Variants in BRWD3 observed in about 807,000 individuals in gnomAD.
The protein encoded by BRWD3 is bromodomain and WD repeat domain containing 3, also known as bromodomain and WD repeat-containing protein 3.
In BRWD3, 10 loss-of-function variants were observed where a neutral mutation model predicts 149.7. That is an observed-to-expected ratio of 0.07 (90% CI 0.04 to 0.11). The LOEUF (loss-of-function observed/expected upper bound fraction) is 0.11, where lower values mean the gene tolerates loss of function less well. Among genes scored for constraint, BRWD3 ranks in the 10% least tolerant of loss-of-function variants. The pLI, the probability that BRWD3 is intolerant of heterozygous loss-of-function variation, is 1.00. For missense variants in BRWD3, 940 were observed against 1,373.2 expected, an observed-to-expected ratio of 0.68 and a Z score of 4.99; for synonymous variants, 504 against 456.7, an observed-to-expected ratio of 1.10 and a Z score of -1.32.
chrX:80,739,859 T>C (rs1173820122), intron 8 of BRWD3, among the ~76,000 whole-genome samples: 1 of 112,122 alleles, frequency 8.9e-6, no homozygotes, highest in Non-Finnish European at 1.9e-5. Flanking sequence ...TCCCAAAGTA[T>C]GTCATTGCAC....
At chrX:80,781,912 G>C (rs1436964535) in intron 6 of BRWD3, among the ~76,000 whole-genome samples, 1 of 111,755 alleles carries the variant, frequency 8.9e-6, no homozygotes, top group Non-Finnish European at 1.9e-5. Context: ...AATCATTATT[G>C]TTAAAATGTC....
At position 80,734,213 on chromosome X, in the gene BRWD3, T is replaced by A; in HGVS notation, c.991A>T (p.Met331Leu). The A allele has an allele frequency of 8.7e-7, 1 of 1,155,883 alleles. No homozygotes were observed. Among genetic ancestry groups the A allele is most frequent in the Non-Finnish European group, 1.2e-6 (1 of 844,882 alleles). The change falls in exon 11 of 41, where the codon ATG (methionine) becomes TTG (leucine). Residue 331 changes from methionine to leucine, a missense_variant. By Grantham distance (15) the Met-to-Leu change is conservative. Around this residue, in one of 6 missense-constraint regions of BRWD3, gnomAD observed 209 missense variants for 396.8 expected, o/e 0.53. Coordinates refer to ENST00000373275, the MANE Select transcript of BRWD3 (RefSeq NM_153252.5). ...TCAGTACTACCAGTTGTAATGAACA[T>A]ACCACCTAGAAGATTAAAAAACAAA... ...ISCSSFSSGGMFITTGSTDHV... is the reference protein window; with the variant it reads ...ISCSSFSSGGLFITTGSTDHV...
chrX:80,801,245 A>C (rs1272255526), intron 4 of BRWD3, among the ~76,000 whole-genome samples: 4 of 60,950 alleles, frequency 6.6e-5, no homozygotes, highest in Admixed American at 5.7e-4. Context: ...TTTGAGATGG[A>C]GTCTCACTCT....
rs763415958 is a variant in BRWD3, at chrX:80,671,487, T to C, written c.*5122A>G. On this transcript the variant is annotated 3_prime_UTR_variant, in exon 41 of 41. Transcript: ENST00000373275. ...CTGAATAGGTAACTCCATATTTCTT[T>C]CTTCTGGTTAATTTTTCTCTGGTAC... The C allele has an allele frequency of 8.9e-6, 1 of 112,144 alleles. No individual in the cohort carries two copies. Among genetic ancestry groups the C allele is most frequent in the South Asian group, 3.7e-4 (1 of 2,715 alleles). 9.2% of individuals were successfully genotyped at this position (112,144 alleles called of 1,213,427 possible).
intron 22 of BRWD3, 33 bp downstream of exon 22, chrX:80,707,394 T>A (rs776155578): frequency 2.6e-6 from 3 of 1,134,372 alleles, no homozygotes; most frequent in Non-Finnish European, 3.6e-6. Context: ...AACTGTTCAA[T>A]AATTTTGACC....
chrX:80,807,026 A>C (rs1044729876), intron 4 of BRWD3, among the ~76,000 whole-genome samples: 1 of 112,240 alleles, frequency 8.9e-6, no homozygotes, highest in Non-Finnish European at 1.9e-5. Flanking sequence ...TGAGAAGGAC[A>C]AATGTAAAGG....
chrX:80,753,343 C>T (rs1355723459), intron 6 of BRWD3, among the ~76,000 whole-genome samples: 1 of 104,507 alleles, frequency 9.6e-6, no homozygotes, highest in Non-Finnish European at 2.0e-5. Context: ...GATCTCGGCT[C>T]ACTGCAACCT....
chrX:80,776,081 T>G (rs2073997883), intron 6 of BRWD3, among the ~76,000 whole-genome samples: 1 of 112,283 alleles, frequency 8.9e-6, no homozygotes, highest in Non-Finnish European at 1.9e-5. Flanking sequence ...TTTAATGACA[T>G]TTTACAAAAT....
At chrX:80,680,356 T>TC (rs1182385647) in intron 40 of BRWD3, among the ~76,000 whole-genome samples, 2 of 112,295 alleles carry the variant, frequency 1.8e-5, no homozygotes, top group African/African-American at 6.5e-5. Flanking sequence ...GGTCAGTGTT[T>TC]CTTTTTAAGC....
At chrX:80,731,609 T>C (rs762458769) in intron 12 of BRWD3, among the ~76,000 whole-genome samples, 20 of 111,021 alleles carry the variant, frequency 1.8e-4, no homozygotes, top group Middle Eastern at 4.6e-3. Context: ...ATAAAGTCCT[T>C]ATAGGCCGGG....
intron 33 of BRWD3, among the ~76,000 whole-genome samples, chrX:80,688,944 T>C (rs1248898797): frequency 1.8e-5 from 2 of 110,565 alleles, no homozygotes; most frequent in Non-Finnish European, 3.8e-5. Context: ...GTAAGTAACA[T>C]TTAACTGCAA....
intron 27 of BRWD3, 114 bp downstream of exon 27, chrX:80,695,794 C>T: frequency 1.7e-6 from 1 of 596,468 alleles, no homozygotes; most frequent in Non-Finnish European, 2.7e-6. Context: ...TCTAGTTTCT[C>T]TGGTAGCTTT....
intron 6 of BRWD3, among the ~76,000 whole-genome samples, chrX:80,770,335 C>A (rs905317054): frequency 9.0e-6 from 1 of 111,467 alleles, no homozygotes; most frequent in Non-Finnish European, 1.9e-5. Context: ...TGATGAACAT[C>A]GAAGTGAAAA....
chrX:80,753,239 G>C (rs1467657970), intron 6 of BRWD3, among the ~76,000 whole-genome samples: 5 of 102,980 alleles, frequency 4.9e-5, no homozygotes, highest in African/African-American at 7.1e-5. Flanking sequence ...AGTCCCATTT[G>C]TCTATTTTTG....
chrX:80,765,992 G>C (rs970396774), intron 6 of BRWD3, among the ~76,000 whole-genome samples: 3 of 112,215 alleles, frequency 2.7e-5, no homozygotes, highest in Non-Finnish European at 5.6e-5. Flanking sequence ...GGGTGAATTT[G>C]TGATAGTTTT....
chrX:80,800,399 A>G (rs1341516789), intron 4 of BRWD3, among the ~76,000 whole-genome samples: 1 of 107,760 alleles, frequency 9.3e-6, no homozygotes, highest in Non-Finnish European at 1.9e-5. Flanking sequence ...ATTATTAGCC[A>G]GACATGACGG....
intron 6 of BRWD3, among the ~76,000 whole-genome samples, chrX:80,768,656 G>A (rs1364799500): frequency 9.0e-6 from 1 of 111,450 alleles, no homozygotes; most frequent in Non-Finnish European, 1.9e-5. Context: ...TCAATGCTAG[G>A]AAGAAACTGC....
At chrX:80,770,514 C>T (rs933789879) in intron 6 of BRWD3, among the ~76,000 whole-genome samples, 20 of 111,416 alleles carry the variant, frequency 1.8e-4, no homozygotes, top group Admixed American at 1.2e-3. Flanking sequence ...ATGATTATCT[C>T]AATAGATGCA....
chrX:80,782,731 T>G (rs2147842800), intron 6 of BRWD3, among the ~76,000 whole-genome samples: 1 of 109,982 alleles, frequency 9.1e-6, no homozygotes, highest in African/African-American at 3.3e-5. Context: ...AGACCCTATC[T>G]CTACAAAAAT....
Sources: allele counts gnomAD v4.1 joint callset (sites outside exome capture counted in the v4.1 genomes callset), GRCh38; gene constraint gnomAD v4.1.1; regional missense constraint gnomAD v4.1.1; transcripts MANE v1.5; gene names NCBI Gene and HGNC (gene_info 2026-07-23, HGNC 2026-07-21).